The following SOX5 variants were observed in gnomAD, a reference collection of about 807,000 sequenced individuals.
SOX5 encodes transcription factor SOX-5.
SOX5 carries 9 observed loss-of-function variants against 92.0 expected under a neutral mutation model. That is an observed-to-expected ratio of 0.10 (90% CI 0.06 to 0.17). SOX5 has a LOEUF of 0.17. Among genes scored for constraint, SOX5 ranks in the 10% least tolerant of loss-of-function variants. The pLI is 1.00. For synonymous variants in SOX5, 344 were observed against 336.3 expected, an observed-to-expected ratio of 1.02 and a Z score of -0.25; for missense variants, 642 against 944.5, an observed-to-expected ratio of 0.68 and a Z score of 4.20.
At chr12:24,345,066 C>T (rs914893162) in intron 2 of SOX5, among the ~76,000 whole-genome samples, 2 of 152,176 alleles carry the variant, frequency 1.3e-5, no homozygotes, top group African/African-American at 4.8e-5. Flanking sequence ...CAGAGCTGTG[C>T]TTCTCAAACT....
intron 9 of SOX5, among the ~76,000 whole-genome samples, chr12:23,586,742 A>T (rs1458287671): frequency 1.3e-5 from 2 of 151,602 alleles, no homozygotes; most frequent in African/African-American, 2.4e-5. Flanking sequence ...TTTTGATTAG[A>T]TGAATTTTTA....
chr12:24,065,204 C>T (rs1940457998), intron 4 of SOX5, among the ~76,000 whole-genome samples: 1 of 152,140 alleles, frequency 6.6e-6, no homozygotes, highest in Non-Finnish European at 1.5e-5. Flanking sequence ...TCTTGGCTAT[C>T]TCCCATCCCT....
At chr12:24,389,601 T>C (rs988218518) in intron 1 of SOX5, among the ~76,000 whole-genome samples, 3 of 152,230 alleles carry the variant, frequency 2.0e-5, no homozygotes, top group Non-Finnish European at 4.4e-5. Flanking sequence ...TGCATAGATA[T>C]ACCACATTTT....
At chr12:24,109,067 T>A (rs1224889435) in intron 4 of SOX5, among the ~76,000 whole-genome samples, 2 of 152,202 alleles carry the variant, frequency 1.3e-5, no homozygotes, top group Non-Finnish European at 2.9e-5. Flanking sequence ...GCAGACCTAA[T>A]GTTTTAACAA....
chr12:23,609,065 G>A (rs1345989612), intron 8 of SOX5, among the ~76,000 whole-genome samples: 2 of 152,248 alleles, frequency 1.3e-5, no homozygotes, highest in African/African-American at 4.8e-5. Context: ...ATGGAGTTAA[G>A]GTGGACATAG....
chr12:23,682,464 C>A (rs1460189041), intron 6 of SOX5, among the ~76,000 whole-genome samples: 1 of 151,670 alleles, frequency 6.6e-6, no homozygotes, highest in Non-Finnish European at 1.5e-5. Context: ...TTACCATTGA[C>A]AAGTGGGATC....
In SOX5 at chr12:24,359,986, A is replaced by G. The variant is rs372207591; in HGVS notation, c.-174+8577T>C. 5.3e-5 allele frequency among the ~76,000 whole-genome samples: 8 copies of G among 152,340 alleles called. No individual in the cohort carries two copies. In the East Asian group the frequency reaches 1.4e-3, roughly 26 times the overall value. ...GAAGAGGATTAGTGGAATTGTATAG[A>G]GAAAGAAAAGGAAGAAAAGAAAAAG... On this transcript the variant is annotated intron_variant, in intron 2 of 4. Transcript: ENST00000446891.
chr12:24,104,329 C>T (rs1946429129), intron 4 of SOX5, among the ~76,000 whole-genome samples: 2 of 152,120 alleles, frequency 1.3e-5, no homozygotes, highest in African/African-American at 2.4e-5. Context: ...ACATTATCTA[C>T]AGGTTTTATT....
chr12:24,218,232 T>C (rs2139761661), intron 3 of SOX5, among the ~76,000 whole-genome samples: 1 of 152,328 alleles, frequency 6.6e-6, no homozygotes, highest in Admixed American at 6.5e-5. Flanking sequence ...TCTAAATGTT[T>C]TTTTAACTAG....
At chr12:23,652,807 G>A (rs1281733240) in intron 7 of SOX5, among the ~76,000 whole-genome samples, 2 of 151,994 alleles carry the variant, frequency 1.3e-5, no homozygotes, top group Non-Finnish European at 2.9e-5. Flanking sequence ...CCAGGCTCTA[G>A]TCCTCTGCTA....
At chr12:23,564,281 T>G (rs902412091) in intron 10 of SOX5, among the ~76,000 whole-genome samples, 6 of 152,216 alleles carry the variant, frequency 3.9e-5, no homozygotes, top group Non-Finnish European at 7.3e-5. Flanking sequence ...AGTACGATGA[T>G]CTGCATGACA....
chr12:24,404,682 C>T lies in SOX5; in HGVS notation c.-250-36043G>A, dbSNP rs79986519. ...AGAAAGAATGCGAGCTACAGAGTCA[C>T]ACAGTCATGGAGAGGAATTGCATGG... On this transcript the variant is annotated intron_variant, in intron 1 of 4. Coordinates refer to the SOX5 transcript ENST00000446891. 5.3e-5 allele frequency among the ~76,000 whole-genome samples: 8 copies of T among 152,304 alleles called. No homozygotes were observed. In the East Asian group the frequency reaches 1.5e-3, roughly 29 times the overall value.
At chr12:23,714,796 A>G (rs1319933595) in intron 6 of SOX5, among the ~76,000 whole-genome samples, 2 of 152,232 alleles carry the variant, frequency 1.3e-5, no homozygotes, top group African/African-American at 4.8e-5. Context: ...TTTCAAATGA[A>G]TAAATCAATG....
chr12:23,680,079 A>C (rs2086335133), intron 6 of SOX5, among the ~76,000 whole-genome samples: 2 of 151,852 alleles, frequency 1.3e-5, no homozygotes, highest in South Asian at 4.1e-4. Context: ...TAATCCCATC[A>C]CTTTGGGAGG....
At chr12:23,601,292 G>C (rs2074466515) in intron 9 of SOX5, among the ~76,000 whole-genome samples, 2 of 151,932 alleles carry the variant, frequency 1.3e-5, no homozygotes, top group Non-Finnish European at 2.9e-5. Context: ...CTAGAGTTCT[G>C]AGTCAAAGGC....
chr12:24,276,873 CAAA>C (rs1445094378), intron 3 of SOX5, among the ~76,000 whole-genome samples: 1 of 151,858 alleles, frequency 6.6e-6, no homozygotes, highest in Non-Finnish European at 1.5e-5. Context: ...GAAGCAACAA[CAAA>C]AAAGTAGCAA....
intron 1 of SOX5, chr12:24,368,658 C>T (rs1956403073): frequency 6.6e-6 from 1 of 152,084 alleles, no homozygotes; most frequent in Admixed American, 6.5e-5. Context: ...TAACACACAC[C>T]CCATAAATGA....
At chr12:23,799,115 G>C (rs1594557907) in intron 3 of SOX5, among the ~76,000 whole-genome samples, 1 of 152,038 alleles carries the variant, frequency 6.6e-6, no homozygotes, top group South Asian at 2.1e-4. Flanking sequence ...CCCACACACA[G>C]AAAATAAGGG....
At chr12:24,047,186 A>G (rs1441835330) in intron 4 of SOX5, among the ~76,000 whole-genome samples, 1 of 152,164 alleles carries the variant, frequency 6.6e-6, no homozygotes, top group Non-Finnish European at 1.5e-5. Flanking sequence ...TGATCACACC[A>G]TTTATGCTGG....
Sources: gnomAD v4.1 joint callset for allele counts (sites outside exome capture counted in the v4.1 genomes callset) on GRCh38, gnomAD v4.1.1 for gene constraint, MANE v1.5 for transcripts, NCBI Gene and HGNC (gene_info 2026-07-23, HGNC 2026-07-21) for gene names.